The following NMBR variants were observed in gnomAD, a reference collection of about 807,000 sequenced individuals.
NMBR encodes neuromedin-B receptor.
Under a neutral mutation model 20.5 loss-of-function variants are expected in NMBR, and 16 were observed. The observed-to-expected ratio is 0.78, with a 90% CI of 0.53 to 1.19. The LOEUF is 1.19. NMBR is among the 50% of genes most tolerant of loss of function. NMBR has a pLI of 0.00. For missense variants in NMBR, 582 were observed against 499.1 expected, an observed-to-expected ratio of 1.17 and a Z score of -1.58; for synonymous variants, 212 against 196.6, an observed-to-expected ratio of 1.08 and a Z score of -0.65.
At chr6:142,122,328 T>C (rs1324434631) in intron 1 of NMBR, among the ~76,000 whole-genome samples, 2 of 151,874 alleles carry the variant, frequency 1.3e-5, no homozygotes, top group Non-Finnish European at 2.9e-5. Context: ...CTAGCAGAGA[T>C]TGGTTTATGA....
intron 1 of NMBR, among the ~76,000 whole-genome samples, chr6:142,144,822 G>A (rs1024745050): frequency 2.0e-5 from 3 of 152,066 alleles, no homozygotes; most frequent in East Asian, 1.9e-4. Flanking sequence ...GGCCGAGGCA[G>A]GAGTATCACT....
chr6:142,098,940 T>C (rs1777509588), intron 1 of NMBR, among the ~76,000 whole-genome samples: 1 of 152,146 alleles, frequency 6.6e-6, no homozygotes, highest in African/African-American at 2.4e-5. Flanking sequence ...ACAGTATGGA[T>C]ATTAATGAAA....
In NMBR at chr6:142,077,800, GTTC is replaced by G. The variant is rs138728230; in HGVS notation, c.771+752_771+754del. ...TCTGTACCTGCAAAACCCGTTAGAA[GTTC>G]TTTTCTAGCTGTACACAAATGTACA... is the stretch of plus-strand genomic sequence containing the variant. On this transcript the variant is annotated intron_variant, in intron 3 of 3. Coordinates refer to ENST00000258042, the MANE Select transcript of NMBR (RefSeq NM_002511.4). Among the ~76,000 whole-genome samples the G allele has an allele frequency of 2.4e-3, 371 of 152,304 alleles. 2 individuals carry two copies. Among genetic ancestry groups the G allele is most frequent in the African/African-American group, 7.7e-3 (321 of 41,552 alleles).
intron 1 of NMBR, among the ~76,000 whole-genome samples, chr6:142,120,137 G>A (rs1045244551): frequency 5.3e-5 from 8 of 151,888 alleles, no homozygotes; most frequent in African/African-American, 1.9e-4. Flanking sequence ...TTGTGTTCTG[G>A]TAGAAATGGA....
At chr6:142,087,957 C>G (rs1375216236) in intron 2 of NMBR, among the ~76,000 whole-genome samples, 1 of 152,150 alleles carries the variant, frequency 6.6e-6, no homozygotes, top group Non-Finnish European at 1.5e-5. Context: ...ATAATATTCC[C>G]TAAGTGTCGG....
intron 1 of NMBR, among the ~76,000 whole-genome samples, chr6:142,120,304 G>A (rs778373653): frequency 6.6e-6 from 1 of 151,928 alleles, no homozygotes; most frequent in Non-Finnish European, 1.5e-5. Context: ...AGCCCTGAAT[G>A]CATCAGCTCA....
At chr6:142,079,078 A>AAG (rs1777029391) in intron 2 of NMBR, among the ~76,000 whole-genome samples, 175 bp from the exon 3 acceptor site, 1 of 100,690 alleles carries the variant, frequency 9.9e-6, no homozygotes, top group Admixed American at 1.1e-4. Context: ...GAAAGAGAGA[A>AAG]AGAAAGAAAG....
chr6:142,132,202 T>G (rs1381327444), intron 1 of NMBR, among the ~76,000 whole-genome samples: 1 of 152,194 alleles, frequency 6.6e-6, no homozygotes, highest in Non-Finnish European at 1.5e-5. Flanking sequence ...GTTACAATCT[T>G]TGGCAGATCA....
intron 1 of NMBR, among the ~76,000 whole-genome samples, chr6:142,137,885 G>T (rs946832537): frequency 2.3e-4 from 35 of 151,710 alleles, no homozygotes; most frequent in Non-Finnish European, 2.9e-5. Context: ...TTTCTTGAAA[G>T]TTTCAATATT....
intron 1 of NMBR, among the ~76,000 whole-genome samples, chr6:142,138,977 G>A (rs1477005768): frequency 6.6e-6 from 1 of 152,144 alleles, no homozygotes; most frequent in Non-Finnish European, 1.5e-5. Context: ...TACTAAGGAA[G>A]AACTTTTCTG....
At chr6:142,099,944 G>A (rs1416762953) in intron 1 of NMBR, among the ~76,000 whole-genome samples, 1 of 152,112 alleles carries the variant, frequency 6.6e-6, no homozygotes, top group Non-Finnish European at 1.5e-5. Context: ...ATACACAAGT[G>A]TAAATAAGCA....
chr6:142,125,000 C>T (rs527464354), intron 1 of NMBR, among the ~76,000 whole-genome samples: 5 of 151,950 alleles, frequency 3.3e-5, no homozygotes, highest in African/African-American at 9.6e-5. Flanking sequence ...TAAGCCATCC[C>T]CAGTTCCACT....
intron 1 of NMBR, among the ~76,000 whole-genome samples, chr6:142,090,823 T>C (rs1777307873): frequency 6.6e-6 from 1 of 151,798 alleles, no homozygotes; most frequent in Non-Finnish European, 1.5e-5. Context: ...TTTAACATAT[T>C]TTATATAAAA....
chr6:142,116,844 A>G (rs1777864200), intron 1 of NMBR, among the ~76,000 whole-genome samples: 1 of 152,050 alleles, frequency 6.6e-6, no homozygotes, highest in East Asian at 1.9e-4. Context: ...CAAATAAGCC[A>G]TAATTATTAT....
chr6:142,134,168 A>T (rs1174855793), intron 1 of NMBR: 2 of 496,822 alleles, frequency 4.0e-6, no homozygotes, highest in Admixed American at 6.9e-5. Context: ...TTTTTCTTTA[A>T]TTAGCTGTAT....
intron 2 of NMBR, 67 bp downstream of exon 2, chr6:142,088,170 G>A (rs1254762681): frequency 1.7e-5 from 26 of 1,510,810 alleles, no homozygotes; most frequent in South Asian, 1.7e-4. Context: ...TGCACTCCGG[G>A]TGAGTCTTCT....
chr6:142,106,896 G>C (rs1172787660), intron 1 of NMBR, among the ~76,000 whole-genome samples: 2 of 152,156 alleles, frequency 1.3e-5, no homozygotes, highest in African/African-American at 2.4e-5. Context: ...ACAATGGTAA[G>C]AGTTTCTAAA....
intron 1 of NMBR, among the ~76,000 whole-genome samples, chr6:142,091,833 T>C (rs1317823199): frequency 6.6e-6 from 1 of 152,192 alleles, no homozygotes; most frequent in African/African-American, 2.4e-5. Context: ...TAAATACACA[T>C]TGTATATTTT....
In NMBR at chr6:142,144,484, C is replaced by A. The variant is rs192278963; in HGVS notation, c.-664+2560G>T. On this transcript the variant is annotated intron_variant, in intron 1 of 3. Transcript: ENST00000258042. ...TTTCTTCTTCCTATGGTTGCCCTCA[C>A]CCCCTATTTTGTTCTACAGCTCTGC... is the stretch of plus-strand genomic sequence containing the variant. 3.6e-4 allele frequency among the ~76,000 whole-genome samples: 55 copies of A among 152,282 alleles called. No individual in the cohort carries two copies. In the East Asian group the frequency reaches 0.01, roughly 28 times the overall value.
Sources: gnomAD v4.1 joint callset for allele counts (sites outside exome capture counted in the v4.1 genomes callset) on GRCh38, gnomAD v4.1.1 for gene constraint, MANE v1.5 for transcripts, NCBI Gene and HGNC (gene_info 2026-07-23, HGNC 2026-07-21) for gene names.